Variants in RAD51 observed in about 807,000 individuals in gnomAD.
RAD51 encodes DNA repair protein RAD51 homolog 1.
In RAD51, 14 loss-of-function variants were observed where a neutral mutation model predicts 41.5. That is an observed-to-expected ratio of 0.34 (90% confidence interval 0.22 to 0.53). The LOEUF is 0.53. RAD51 is among the 20% of genes least tolerant of loss of function. RAD51 has a pLI of 0.95. For synonymous variants in RAD51, 136 were observed against 148.6 expected (o/e 0.92, Z 0.62); for missense variants, 234 against 422.0 (o/e 0.55, Z 3.90).
At chr15:40,701,387 T>G (rs1894982449) in intron 3 of RAD51, among the ~76,000 whole-genome samples, 186 bp downstream of exon 3, 1 of 149,470 alleles carries the variant, frequency 6.7e-6, no homozygotes, top group South Asian at 2.1e-4. Flanking sequence ...TTTTTTTTTT[T>G]TTTTGGAGAC....
intron 6 of RAD51, among the ~76,000 whole-genome samples, chr15:40,726,785 T>C (rs886580772): frequency 4.6e-5 from 7 of 151,448 alleles, no homozygotes; most frequent in African/African-American, 1.2e-4. Flanking sequence ...TGGTAGCGGG[T>C]GCCTGTAGTC....
At chr15:40,700,919 A>C in intron 2 of RAD51, 145 bp from the exon 3 acceptor site, 1 of 1,020,432 alleles carries the variant, frequency 9.8e-7, no homozygotes. Context: ...CCAACTTCCC[A>C]TCTCCCCCCG....
chr15:40,699,303 C>G (rs541851351), intron 2 of RAD51, among the ~76,000 whole-genome samples: 25 of 152,316 alleles, frequency 1.6e-4, no homozygotes, highest in African/African-American at 5.5e-4. Flanking sequence ...GCCACCACAC[C>G]CAGCTAATTT....
intron 7 of RAD51, 78 bp from the exon 8 acceptor site, chr15:40,729,427 G>T: frequency 8.9e-6 from 11 of 1,239,154 alleles, no homozygotes; most frequent in African/African-American, 1.5e-5. Context: ...ATGAATATGA[G>T]ATTTTAGGGT....
Position 40,731,360 on chromosome 15 carries a change from C to A in RAD51, c.*182C>A. The A allele has an allele frequency of 1.4e-6, 1 of 727,532 alleles. No homozygotes were observed. The highest frequency in any genetic ancestry group is 2.3e-6 in the Non-Finnish European group (1 of 442,702). 45.1% of individuals were successfully genotyped at this position (727,532 alleles called of 1,614,324 possible). Reference sequence around the variant, plus strand: ...CAGGAGACAGGTCAGTAGTCACAAACTGATCTAAAATGTTTATTCCTTCTG... The same window carrying A: ...CAGGAGACAGGTCAGTAGTCACAAAATGATCTAAAATGTTTATTCCTTCTG... On this transcript the variant is annotated 3_prime_UTR_variant, in exon 10 of 10. Transcript: ENST00000267868.
intron 5 of RAD51, among the ~76,000 whole-genome samples, chr15:40,711,097 C>A (rs1407722682): frequency 1.3e-5 from 2 of 152,114 alleles, no homozygotes; most frequent in Non-Finnish European, 2.9e-5. Flanking sequence ...AGATGATGTT[C>A]TTAAAACTTC....
chr15:40,722,547 C>T (rs1397585190), intron 6 of RAD51, among the ~76,000 whole-genome samples: 3 of 151,866 alleles, frequency 2.0e-5, no homozygotes, highest in Non-Finnish European at 4.4e-5. Flanking sequence ...TTTAATGGTA[C>T]AGTTTCAGTT....
intron 1 of RAD51, among the ~76,000 whole-genome samples, chr15:40,697,351 G>A (rs1175260379): frequency 2.6e-5 from 4 of 152,206 alleles, no homozygotes; most frequent in Middle Eastern, 3.4e-3. Context: ...TGATCTGCCC[G>A]CCTTGGCCTC....
At chr15:40,702,153 A>G (rs1031300450) in intron 3 of RAD51, among the ~76,000 whole-genome samples, 1 of 152,166 alleles carries the variant, frequency 6.6e-6, no homozygotes, top group African/African-American at 2.4e-5. Context: ...TTATTGGATT[A>G]CTCAAATGAA....
chr15:40,725,959 C>T (rs1002666199), intron 6 of RAD51, among the ~76,000 whole-genome samples: 4 of 151,854 alleles, frequency 2.6e-5, no homozygotes. Flanking sequence ...GTACTCCAGA[C>T]TGGGCGACAG....
chr15:40,706,120 A>G (rs922709602), intron 3 of RAD51, 57 bp from the exon 4 acceptor site: 23 of 1,338,238 alleles, frequency 1.7e-5, no homozygotes, highest in Non-Finnish European at 2.3e-5. Flanking sequence ...TTTGCCATCA[A>G]GATCACTGTG....
intron 6 of RAD51, among the ~76,000 whole-genome samples, chr15:40,723,966 G>C (rs930898738): frequency 6.6e-6 from 1 of 152,164 alleles, no homozygotes; most frequent in Admixed American, 6.5e-5. Flanking sequence ...TGGAAACCCA[G>C]TGATAAAACA....
chr15:40,727,621 A>G (rs1896651864), intron 6 of RAD51, among the ~76,000 whole-genome samples: 1 of 152,002 alleles, frequency 6.6e-6, no homozygotes, highest in African/African-American at 2.4e-5. Flanking sequence ...CAGCCATATC[A>G]GTGTTTCTTG....
At chr15:40,703,624 G>C (rs1273479506) in intron 3 of RAD51, among the ~76,000 whole-genome samples, 1 of 152,076 alleles carries the variant, frequency 6.6e-6, no homozygotes, top group Non-Finnish European at 1.5e-5. Flanking sequence ...GATGCTCACA[G>C]GGTTTCCTTA....
At chr15:40,707,314 C>T (rs1014705366) in intron 4 of RAD51, among the ~76,000 whole-genome samples, 1 of 134,534 alleles carries the variant, frequency 7.4e-6, no homozygotes, top group African/African-American at 2.8e-5. Context: ...AGTTTTCTTT[C>T]CCTTTTTTTT....
intron 3 of RAD51, among the ~76,000 whole-genome samples, chr15:40,703,899 A>G (rs765644039): frequency 2.0e-5 from 3 of 151,664 alleles, no homozygotes; most frequent in Non-Finnish European, 4.4e-5. Context: ...AGGTTAGGTT[A>G]TGATTTATCT....
intron 8 of RAD51, 90 bp from the exon 9 acceptor site, chr15:40,729,763 T>C: frequency 6.2e-7 from 1 of 1,610,778 alleles, no homozygotes; most frequent in Non-Finnish European, 8.5e-7. Flanking sequence ...ACATTAGTTA[T>C]TCGTTATTTT....
At chr15:40,717,580 TTTAC>T (rs1331263752) in intron 5 of RAD51, among the ~76,000 whole-genome samples, 1 of 152,156 alleles carries the variant, frequency 6.6e-6, no homozygotes. Flanking sequence ...TGGCATTTCA[TTTAC>T]TTCTCTTTTC....
intron 6 of RAD51, among the ~76,000 whole-genome samples, chr15:40,728,340 C>T (rs1351109755): frequency 6.6e-6 from 1 of 152,062 alleles, no homozygotes; most frequent in East Asian, 1.9e-4. Context: ...TGCATAGCTC[C>T]ATGCTACTTT....
Sources: gnomAD v4.1 joint callset for allele counts (sites outside exome capture counted in the v4.1 genomes callset) on GRCh38, gnomAD v4.1.1 for gene constraint, MANE v1.5 for transcripts, NCBI Gene and HGNC (gene_info 2026-07-23, HGNC 2026-07-21) for gene names.